The following AP1G1 variants were observed in gnomAD, a reference collection of about 807,000 sequenced individuals.
AP1G1 encodes AP-1 complex subunit gamma-1.
A neutral mutation model predicts 108.3 loss-of-function variants in AP1G1; 7 were observed. That is an observed-to-expected ratio of 0.06 (90% confidence interval 0.04 to 0.12). AP1G1 has a LOEUF of 0.12. Ranked by LOEUF, AP1G1 falls within the 10% of genes least tolerant of loss-of-function variation. The pLI, the probability that AP1G1 is intolerant of heterozygous loss-of-function variation, is 1.00. For missense variants in AP1G1, 756 were observed against 1,010.7 expected (o/e 0.75, Z 3.42); for synonymous variants, 379 against 353.5 (o/e 1.07, Z -0.81).
At chr16:71,780,003 T>G (rs1040015398) in intron 2 of AP1G1, among the ~76,000 whole-genome samples, 2 of 150,202 alleles carry the variant, frequency 1.3e-5, no homozygotes, top group Non-Finnish European at 3.0e-5. Flanking sequence ...TTGTTTTTTT[T>G]TTTTTTTTGA....
intron 1 of AP1G1, among the ~76,000 whole-genome samples, chr16:71,795,050 G>A (rs1336825062): frequency 1.3e-5 from 2 of 151,636 alleles, no homozygotes; most frequent in African/African-American, 2.4e-5. Flanking sequence ...CAAAATAAAG[G>A]TGTACCAGCT....
chr16:71,760,556 A>G (rs2031036012), intron 10 of AP1G1, among the ~76,000 whole-genome samples: 1 of 151,582 alleles, frequency 6.6e-6, no homozygotes, highest in Non-Finnish European at 1.5e-5. Flanking sequence ...AAAAAAAAAA[A>G]AAAAAAGAAA....
At position 71,749,918 on chromosome 16, in the gene AP1G1, C is replaced by G; in HGVS notation, c.1473G>C (p.Gln491His). ...GEYGDLLVSG[Q>H]CEEEEPIQVT... ...CCTGAATAGGCTCTTCCTCTTCACACTGGCCAGATACAAGAAGATCACCAT... is the reference window on the plus strand; with the variant it reads ...CCTGAATAGGCTCTTCCTCTTCACAGTGGCCAGATACAAGAAGATCACCAT... The change falls in exon 15 of 23, where the codon CAG becomes CAC. Residue 491 changes from glutamine to histidine, a missense_variant. Transcript: ENST00000299980. 6.2e-7 allele frequency: 1 copy of G among 1,611,988 alleles called. No individual in the cohort carries two copies. Among genetic ancestry groups the G allele is most frequent in the Non-Finnish European group, 8.5e-7 (1 of 1,178,056 alleles).
At chr16:71,806,982 T>C (rs536452820) in intron 1 of AP1G1, among the ~76,000 whole-genome samples, 2 of 152,318 alleles carry the variant, frequency 1.3e-5, no homozygotes, top group South Asian at 2.1e-4. Context: ...TCAATTCAAG[T>C]TATAAATTTA....
chr16:71,808,237 A>T, intron 1 of AP1G1: 1 of 1,085,624 alleles, frequency 9.2e-7, no homozygotes, highest in African/African-American at 1.7e-5. Flanking sequence ...AAATTGGGAA[A>T]GAAGTTGGTC....
In AP1G1 at chr16:71,745,627, G is replaced by C. The variant is rs1420721985; in HGVS notation, c.1731-13C>G. 4 of 1,611,014 alleles carry C rather than the reference G, an allele frequency of 2.5e-6. No homozygotes were observed. The African/African-American group carries it at 5.3e-5, about 22-fold the overall frequency. The stretch of plus-strand genomic sequence containing the variant: ...AAGTAGGGCAGACCTAGAAGAATCT[G>C]AAGTGGTTAAATTCTAGGCAGTTAA... On this transcript the variant is annotated splice_polypyrimidine_tract_variant and intron_variant, in intron 17 of 22. Coordinates refer to ENST00000299980, the MANE Select transcript of AP1G1 (RefSeq NM_001128.6).
At chr16:71,793,010 A>G (rs1037983533) in intron 1 of AP1G1, among the ~76,000 whole-genome samples, 8 of 151,276 alleles carry the variant, frequency 5.3e-5, no homozygotes, top group African/African-American at 1.9e-4. Flanking sequence ...TCTACAGAAC[A>G]TAAACAAAAT....
intron 17 of AP1G1, 68 bp from the exon 18 acceptor site, chr16:71,745,682 T>C (rs543967973): frequency 2.2e-6 from 3 of 1,360,176 alleles, no homozygotes; most frequent in South Asian, 2.3e-5. Context: ...ATAATCACCA[T>C]TAACTATGTT....
intron 1 of AP1G1, among the ~76,000 whole-genome samples, chr16:71,803,026 C>T (rs1283748275): frequency 6.6e-6 from 1 of 151,932 alleles, no homozygotes; most frequent in East Asian, 1.9e-4. Flanking sequence ...ACCAGCCTGG[C>T]CAACGTGACA....
rs1180190091 is a variant in AP1G1, at chr16:71,731,406, G to A, written c.*1652C>T. ...CAAGACACTGAAGATTTTAAGTAAAGGCTTGGTGAAATGAAGGGGAAAAAA... is the reference window on the plus strand; with the variant it reads ...CAAGACACTGAAGATTTTAAGTAAAAGCTTGGTGAAATGAAGGGGAAAAAA... On this transcript the variant is annotated 3_prime_UTR_variant, in exon 23 of 23. Coordinates refer to ENST00000299980, the MANE Select transcript of AP1G1 (RefSeq NM_001128.6). 6.6e-6 allele frequency: 1 copy of A among 152,616 alleles called. No individual in the cohort carries two copies. The highest frequency in any genetic ancestry group is 1.9e-4 in the East Asian group (1 of 5,202). 9.5% of individuals were successfully genotyped at this position (152,616 alleles called of 1,614,324 possible).
intron 1 of AP1G1, among the ~76,000 whole-genome samples, chr16:71,801,296 CA>C (rs571974218): frequency 4.0e-5 from 5 of 124,850 alleles, no homozygotes; most frequent in African/African-American, 9.6e-5. Context: ...AACAAACAAA[CA>C]AAAAAAAAGA....
chr16:71,794,969 A>T (rs1343931879), intron 1 of AP1G1, among the ~76,000 whole-genome samples: 1 of 151,210 alleles, frequency 6.6e-6, no homozygotes, highest in Non-Finnish European at 1.5e-5. Context: ...AAACTTGATA[A>T]ATACTATATT....
At chr16:71,749,374 T>C (rs1284249072) in intron 15 of AP1G1, among the ~76,000 whole-genome samples, 1 of 151,672 alleles carries the variant, frequency 6.6e-6, no homozygotes, top group Non-Finnish European at 1.5e-5. Flanking sequence ...TCCCAGCTAC[T>C]CAGGAGGCTG....
intron 1 of AP1G1, among the ~76,000 whole-genome samples, chr16:71,798,555 T>C (rs1435468301): frequency 5.3e-5 from 8 of 151,294 alleles, no homozygotes; most frequent in Admixed American, 5.3e-4. Flanking sequence ...ATATATATAA[T>C]TACCTGAAAA....
chr16:71,756,298 C>T (rs770072926), intron 11 of AP1G1, 139 bp from the exon 12 acceptor site: 6 of 647,846 alleles, frequency 9.3e-6, no homozygotes, highest in Admixed American at 3.7e-5. Flanking sequence ...CCAATCTTTG[C>T]ACACGAAATA....
rs1386305486 is a variant in AP1G1, at chr16:71,753,822, A to C, written c.1284+11T>G. 1 of 1,612,544 alleles carries C rather than the reference A, an allele frequency of 6.2e-7. No individual in the cohort carries two copies. The highest frequency in any genetic ancestry group is 1.7e-5 in the Admixed American group (1 of 60,022). On this transcript the variant is annotated intron_variant, in intron 13 of 22. Coordinates refer to ENST00000299980, the MANE Select transcript of AP1G1 (RefSeq NM_001128.6). Reference sequence around the variant, plus strand: ...GCACTTCGTATATGCTGTCTGAAAGAAGCTACTTACCGTTGTCAAAACACG... The same window carrying C: ...GCACTTCGTATATGCTGTCTGAAAGCAGCTACTTACCGTTGTCAAAACACG...
chr16:71,795,658 G>C (rs1302535133), intron 1 of AP1G1, among the ~76,000 whole-genome samples: 2 of 152,162 alleles, frequency 1.3e-5, no homozygotes, highest in Non-Finnish European at 2.9e-5. Context: ...ACTATGACTA[G>C]AATGTGACAC....
chr16:71,793,937 C>G (rs1291250936), intron 1 of AP1G1, among the ~76,000 whole-genome samples: 1 of 152,138 alleles, frequency 6.6e-6, no homozygotes, highest in African/African-American at 2.4e-5. Context: ...AGGCTGGTCT[C>G]AAACTCCTGA....
rs1353497572 is a variant in AP1G1, at chr16:71,749,995, A to G, written c.1408-12T>C. 2.5e-6 allele frequency: 4 copies of G among 1,602,888 alleles called. No homozygotes were observed. The highest frequency in any genetic ancestry group is 3.3e-5 in the Admixed American group (2 of 59,956). ...TGTACCAAAGGTTGCTGTGAAAAGA[A>G]AAGTCAACGTTTCTCAAGAACTTCA... On this transcript the variant is annotated splice_polypyrimidine_tract_variant and intron_variant, in intron 14 of 22. Coordinates refer to ENST00000299980, the MANE Select transcript of AP1G1 (RefSeq NM_001128.6).
Sources: gnomAD v4.1 joint callset for allele counts (sites outside exome capture counted in the v4.1 genomes callset) on GRCh38, gnomAD v4.1.1 for gene constraint, MANE v1.5 for transcripts, NCBI Gene and HGNC (gene_info 2026-07-23, HGNC 2026-07-21) for gene names.